ATP8A2: variants seen among roughly 807,000 people sequenced by gnomAD.
ATP8A2 encodes phospholipid-transporting ATPase IB.
Under a neutral mutation model 165.6 loss-of-function variants are expected in ATP8A2, and 100 were observed. That is an observed-to-expected ratio of 0.60 (90% CI 0.51 to 0.71). The LOEUF (loss-of-function observed/expected upper bound fraction) is 0.71. Among genes scored for constraint, ATP8A2 ranks in the 30% least tolerant of loss-of-function variants. The pLI is 0.00. For missense variants in ATP8A2, 1,227 were observed against 1,479.5 expected (o/e 0.83, Z 2.80); for synonymous variants, 543 against 548.8 (o/e 0.99, Z 0.15).
At chr13:25,729,967 C>T (rs1176559969) in intron 25 of ATP8A2, among the ~76,000 whole-genome samples, 1 of 152,112 alleles carries the variant, frequency 6.6e-6, no homozygotes, top group Non-Finnish European at 1.5e-5. Context: ...TGCACCTCCC[C>T]AGCTTGTTTT....
rs182023139 is a variant in ATP8A2, at chr13:25,391,807, T to A, written c.76+19519T>A. ...GAAGGAAGGCCACAGTGGGGACTCTTGAACAGGCTGTCTTGAGTGGATGGA... is the reference window on the plus strand; with the variant it reads ...GAAGGAAGGCCACAGTGGGGACTCTAGAACAGGCTGTCTTGAGTGGATGGA... On this transcript the variant is annotated intron_variant, in intron 1 of 36. Coordinates refer to ENST00000381655, the MANE Select transcript of ATP8A2 (RefSeq NM_016529.6). Among the ~76,000 whole-genome samples the A allele has an allele frequency of 2.0e-5, 3 of 152,322 alleles. No homozygotes were observed. In the East Asian group the frequency reaches 5.8e-4, roughly 29 times the overall value.
intron 27 of ATP8A2, among the ~76,000 whole-genome samples, chr13:25,780,176 A>T (rs1010852809): frequency 6.6e-6 from 1 of 152,218 alleles, no homozygotes; most frequent in East Asian, 1.9e-4. Flanking sequence ...TATCATAGGG[A>T]TCTCTTGTAA....
chr13:25,462,303 C>T lies in ATP8A2; in HGVS notation c.77-6674C>T, dbSNP rs531034291. 2.6e-4 allele frequency among the ~76,000 whole-genome samples: 39 copies of T among 152,314 alleles called. No homozygotes were observed. In the Middle Eastern group the frequency reaches 0.01, roughly 40 times the overall value. ...CCATGCTTCAACGACCAGCTGCAGG[C>T]TGTGGGCTTCCCAGACCACCTGCAC... On this transcript the variant is annotated intron_variant, in intron 1 of 36. Coordinates refer to ENST00000381655, the MANE Select transcript of ATP8A2 (RefSeq NM_016529.6).
chr13:25,836,823 G>T (rs185827976), intron 28 of ATP8A2, among the ~76,000 whole-genome samples: 1 of 152,208 alleles, frequency 6.6e-6, no homozygotes, highest in Non-Finnish European at 1.5e-5. Context: ...GTCAGCTAGC[G>T]TGAGCAGAAA....
intron 10 of ATP8A2, among the ~76,000 whole-genome samples, chr13:25,546,425 G>A (rs1032344849): frequency 2.5e-4 from 38 of 151,938 alleles, no homozygotes; most frequent in Non-Finnish European, 4.9e-4. Flanking sequence ...ATAGCTGGAA[G>A]CCATCCTGTT....
intron 15 of ATP8A2, among the ~76,000 whole-genome samples, chr13:25,559,978 C>A (rs936710623): frequency 6.6e-6 from 1 of 152,084 alleles, no homozygotes; most frequent in South Asian, 2.1e-4. Context: ...CGGGCATGCA[C>A]CACCATGCCT....
chr13:25,784,108 G>A (rs2044960118), intron 27 of ATP8A2, among the ~76,000 whole-genome samples: 1 of 151,998 alleles, frequency 6.6e-6, no homozygotes, highest in Admixed American at 6.5e-5. Context: ...TTTTTATGAT[G>A]TTTTTGCAGC....
At chr13:25,811,414 T>G (rs1022027996) in intron 27 of ATP8A2, among the ~76,000 whole-genome samples, 1 of 152,222 alleles carries the variant, frequency 6.6e-6, no homozygotes, top group East Asian at 1.9e-4. Context: ...TTAAAAGTTA[T>G]AGAAGCTGGA....
At chr13:25,408,157 G>A (rs1443733289) in intron 1 of ATP8A2, among the ~76,000 whole-genome samples, 1 of 152,038 alleles carries the variant, frequency 6.6e-6, no homozygotes, top group African/African-American at 2.4e-5. Flanking sequence ...CACTTTGGGA[G>A]GCCAAGGCAG....
intron 27 of ATP8A2, among the ~76,000 whole-genome samples, chr13:25,793,737 G>A (rs1023979645): frequency 6.6e-6 from 1 of 152,076 alleles, no homozygotes; most frequent in Non-Finnish European, 1.5e-5. Flanking sequence ...TAACGAGATA[G>A]CAGAGAAATC....
At chr13:25,682,266 T>A (rs1248445629) in intron 24 of ATP8A2, among the ~76,000 whole-genome samples, 1 of 152,146 alleles carries the variant, frequency 6.6e-6, no homozygotes, top group Non-Finnish European at 1.5e-5. Context: ...TGGGTTTCCC[T>A]GTTAATCGGA....
chr13:25,444,795 G>A (rs1001642247), intron 1 of ATP8A2, among the ~76,000 whole-genome samples: 3 of 152,092 alleles, frequency 2.0e-5, no homozygotes, highest in African/African-American at 4.8e-5. Context: ...ACAGGCACCC[G>A]CCACCAGAAC....
intron 25 of ATP8A2, among the ~76,000 whole-genome samples, chr13:25,739,967 C>T (rs1461414145): frequency 1.3e-5 from 2 of 152,216 alleles, no homozygotes; most frequent in Admixed American, 1.3e-4. Flanking sequence ...GCACAACAGT[C>T]CACCACAGTG....
At chr13:25,459,651 C>T (rs551665377) in intron 1 of ATP8A2, among the ~76,000 whole-genome samples, 40 of 152,288 alleles carry the variant, frequency 2.6e-4, no homozygotes, top group African/African-American at 8.9e-4. Context: ...GGGGAAGTGA[C>T]ATTTAAGCTG....
intron 24 of ATP8A2, among the ~76,000 whole-genome samples, chr13:25,643,246 T>G (rs2041582340): frequency 6.6e-6 from 1 of 152,058 alleles, no homozygotes; most frequent in Admixed American, 6.6e-5. Context: ...GATCCTCTGG[T>G]TTTTCCTGAA....
intron 25 of ATP8A2, among the ~76,000 whole-genome samples, chr13:25,702,343 G>T (rs2042968827): frequency 6.6e-6 from 1 of 152,094 alleles, no homozygotes; most frequent in Admixed American, 6.5e-5. Context: ...GGGAATGCAA[G>T]AATTTATTAA....
chr13:25,546,761 C>G (rs2038663616), intron 10 of ATP8A2, among the ~76,000 whole-genome samples: 1 of 152,150 alleles, frequency 6.6e-6, no homozygotes, highest in South Asian at 2.1e-4. Context: ...AGTATGTGCT[C>G]ATTTTACAGA....
chr13:25,403,474 G>A (rs1301340516), intron 1 of ATP8A2, among the ~76,000 whole-genome samples: 2 of 152,180 alleles, frequency 1.3e-5, no homozygotes, highest in African/African-American at 4.8e-5. Flanking sequence ...CTGTGCTAGA[G>A]AAAAGTACAG....
chr13:25,708,785 G>A (rs1375536140), intron 25 of ATP8A2, among the ~76,000 whole-genome samples: 4 of 152,262 alleles, frequency 2.6e-5, no homozygotes, highest in South Asian at 2.1e-4. Flanking sequence ...TGACAAAGAG[G>A]AATGTTTATA....
Sources: allele counts gnomAD v4.1 joint callset (sites outside exome capture counted in the v4.1 genomes callset), GRCh38; gene constraint gnomAD v4.1.1; transcripts MANE v1.5; gene names NCBI Gene and HGNC (gene_info 2026-07-23, HGNC 2026-07-21).